BPTF: variants seen among roughly 807,000 people sequenced by gnomAD.
BPTF encodes the protein bromodomain PHD finger transcription factor, also known as nucleosome-remodeling factor subunit BPTF.
A neutral mutation model predicts 292.5 loss-of-function variants in BPTF; 18 were observed. That is an observed-to-expected ratio of 0.06 (90% CI 0.04 to 0.09). The LOEUF (loss-of-function observed/expected upper bound fraction) is 0.09, where lower values mean the gene tolerates loss of function less well. Ranked by LOEUF, BPTF falls within the 10% of genes least tolerant of loss-of-function variation. The pLI is 1.00. For synonymous variants in BPTF, 1,225 were observed against 1,251.9 expected, an observed-to-expected ratio of 0.98 and a Z score of 0.45; for missense variants, 2,726 against 3,498.7, an observed-to-expected ratio of 0.78 and a Z score of 5.57.
intron 1 of BPTF, among the ~76,000 whole-genome samples, chr17:67,832,178 G>A (rs190023148): frequency 4.0e-5 from 6 of 151,842 alleles, no homozygotes; most frequent in South Asian, 2.1e-4. Flanking sequence ...GTGAGCTGCC[G>A]TACCCGGCCT....
intron 26 of BPTF, among the ~76,000 whole-genome samples, chr17:67,971,172 G>A (rs375475492): frequency 1.3e-5 from 2 of 152,098 alleles, no homozygotes; most frequent in Non-Finnish European, 2.9e-5. Flanking sequence ...TCAGCCTCCC[G>A]GGTTCAAGCA....
chr17:67,924,638 C>CT, intron 15 of BPTF, 49 bp downstream of exon 15: 1 of 1,586,890 alleles, frequency 6.3e-7, no homozygotes, highest in Non-Finnish European at 8.6e-7. Context: ...AATGGAGGCT[C>CT]TTTCAAAACA....
intron 1 of BPTF, among the ~76,000 whole-genome samples, chr17:67,835,555 A>G (rs113722700): frequency 0.018 from 2,807 of 152,302 alleles, 94 homozygotes; most frequent in African/African-American, 0.064. Flanking sequence ...CATTTCTGCA[A>G]TAAGATTTGG....
In BPTF at chr17:67,931,972, C is replaced by T; in HGVS notation, c.6212C>T (p.Ser2071Leu). The T allele has an allele frequency of 6.2e-7, 1 of 1,614,052 alleles. No individual in the cohort carries two copies. The highest frequency in any genetic ancestry group is 8.5e-7 in the Non-Finnish European group (1 of 1,179,994). Residue 2071 changes from serine (S) to leucine (L), a missense_variant, in exon 18 of 28, where the codon TCA becomes TTA. Physicochemically the swap from Ser to Leu is moderately radical, Grantham distance 145. Around this residue, in one of 22 missense-constraint regions of BPTF, gnomAD observed 570 missense variants for 633.5 expected, o/e 0.90. Transcript: ENST00000306378. ...MTVIRTPLQQ[S>L]TLGKAIIRTP... ...GTGATTAGAACACCACTCCAACAGTCAACACTAGGAAAGGCAATTATTCGA... is the reference window on the plus strand; with the variant it reads ...GTGATTAGAACACCACTCCAACAGTTAACACTAGGAAAGGCAATTATTCGA...
intron 1 of BPTF, among the ~76,000 whole-genome samples, chr17:67,841,600 C>T (rs778429129): frequency 8.6e-5 from 13 of 151,688 alleles, no homozygotes; most frequent in East Asian, 3.9e-4. Flanking sequence ...TGGGGTTTTG[C>T]CATGTTGCCT....
At chr17:67,922,770 T>C in intron 13 of BPTF, 70 bp from the exon 14 acceptor site, 4 of 1,503,866 alleles carry the variant, frequency 2.7e-6, no homozygotes, top group Non-Finnish European at 3.6e-6. Flanking sequence ...TTTTTCATGA[T>C]AGAAGATGCC....
chr17:67,917,873 C>T (rs752393446), intron 11 of BPTF, among the ~76,000 whole-genome samples: 2 of 151,916 alleles, frequency 1.3e-5, no homozygotes, highest in African/African-American at 2.4e-5. Context: ...ATGCAGTGGC[C>T]GGATCTTGGC....
chr17:67,852,506 G>C (rs1446649445), intron 1 of BPTF, among the ~76,000 whole-genome samples: 1 of 151,614 alleles, frequency 6.6e-6, no homozygotes, highest in Non-Finnish European at 1.5e-5. Flanking sequence ...TCTATTCATT[G>C]TTCTGTAGCT....
intron 9 of BPTF, among the ~76,000 whole-genome samples, chr17:67,905,476 G>T (rs1206118208): frequency 6.6e-6 from 1 of 152,022 alleles, no homozygotes; most frequent in South Asian, 2.1e-4. Context: ...GGAGGCTGAG[G>T]CAGGAGGATC....
At chr17:67,879,133 T>C (rs2060224712) in intron 4 of BPTF, among the ~76,000 whole-genome samples, 1 of 130,590 alleles carries the variant, frequency 7.7e-6, no homozygotes, top group South Asian at 2.3e-4. Flanking sequence ...TTGTTAATTA[T>C]TTCTTTTTTT....
intron 1 of BPTF, among the ~76,000 whole-genome samples, chr17:67,837,211 C>G (rs2057198534): frequency 6.6e-6 from 1 of 152,122 alleles, no homozygotes; most frequent in Non-Finnish European, 1.5e-5. Context: ...AGAATTCAGG[C>G]TCTTTTTGCG....
intron 4 of BPTF, among the ~76,000 whole-genome samples, chr17:67,886,965 G>A (rs6504547): frequency 0.06 from 9,202 of 152,100 alleles, 986 homozygotes; most frequent in African/African-American, 0.21. Flanking sequence ...GTATATCTTT[G>A]TGTACTTGTG....
chr17:67,902,460 TCTC>T (rs2061910004), intron 7 of BPTF, among the ~76,000 whole-genome samples: 1 of 152,308 alleles, frequency 6.6e-6, no homozygotes, highest in Middle Eastern at 3.4e-3. Flanking sequence ...AGCTAGTCCT[TCTC>T]CTTAGTTCCA....
Position 67,940,546 on chromosome 17 carries a change from T to G in BPTF, c.6367T>G (p.Ser2123Ala). The change falls in exon 19 of 28, where the codon TCA becomes GCA. Residue 2123 changes from serine (S) to alanine (A), a missense_variant. Ser to Ala is a moderately conservative substitution (Grantham distance 99, BLOSUM62 1). Transcript: ENST00000306378. The part of the protein sequence containing the change: ...SSTPGQKSLT[S>A]ATSTSNIQSS... Reference sequence around the variant, plus strand: ...AACACCTGGGCAGAAAAGCTTAACTTCAGCAACGTCCACTTCAAATATACA... The same window carrying G: ...AACACCTGGGCAGAAAAGCTTAACTGCAGCAACGTCCACTTCAAATATACA... 1 of 1,614,072 alleles carries G rather than the reference T, an allele frequency of 6.2e-7. No individual in the cohort carries two copies.
At position 67,926,441 on chromosome 17, in the gene BPTF, C is replaced by T. The variant is rs556442571; in HGVS notation, c.5751+1852C>T. On this transcript the variant is annotated intron_variant, in intron 15 of 27. Transcript: ENST00000306378. ...CCGGGTTCACGCCATTCTCCTGCCT[C>T]AGCCTCCCGAGTAACTGTGACTATA... Among the ~76,000 whole-genome samples the T allele has an allele frequency of 2.2e-3, 331 of 150,004 alleles. 2 individuals carry two copies. Among genetic ancestry groups the T allele is most frequent in the African/African-American group, 7.5e-3 (307 of 40,748 alleles).
chr17:67,938,155 C>G (rs552850847), intron 18 of BPTF, among the ~76,000 whole-genome samples: 106 of 152,222 alleles, frequency 7.0e-4, no homozygotes, highest in African/African-American at 2.1e-3. Context: ...CCATTTTGAT[C>G]TAAAAATAAA....
At chr17:67,949,772 T>C (rs1403364290) in intron 23 of BPTF, among the ~76,000 whole-genome samples, 4 of 151,682 alleles carry the variant, frequency 2.6e-5, no homozygotes, top group African/African-American at 7.3e-5. Flanking sequence ...CTCAAGCATT[T>C]CAAGGCCAGA....
chr17:67,878,868 G>A (rs1183044005), intron 4 of BPTF, among the ~76,000 whole-genome samples: 1 of 152,136 alleles, frequency 6.6e-6, no homozygotes, highest in East Asian at 1.9e-4. Context: ...AATTTTGAAT[G>A]TTAACCTAAT....
Position 67,923,000 on chromosome 17 carries a change from T to C in BPTF, c.5708+10T>C, listed in dbSNP as rs1186545835. 10 of 1,610,326 alleles carry C rather than the reference T, an allele frequency of 6.2e-6. No homozygotes were observed. Among genetic ancestry groups the C allele is most frequent in the Non-Finnish European group, 8.5e-6 (10 of 1,179,034 alleles). ...GGGCATTTGCTGAGAGGTAAGGAAA[T>C]GGTTAATACCTGGTCAGCTATTTGA... On this transcript the variant is annotated intron_variant, in intron 14 of 27. Transcript: ENST00000306378.
Sources: allele counts gnomAD v4.1 joint callset (sites outside exome capture counted in the v4.1 genomes callset), GRCh38; gene constraint gnomAD v4.1.1; regional missense constraint gnomAD v4.1.1; transcripts MANE v1.5; gene names NCBI Gene and HGNC (gene_info 2026-07-23, HGNC 2026-07-21).